Variants in TMEM132B observed in about 807,000 individuals in gnomAD.
TMEM132B encodes the protein transmembrane protein 132B.
A neutral mutation model predicts 90.8 loss-of-function variants in TMEM132B; 18 were observed. That is an observed-to-expected ratio of 0.20 (90% CI 0.14 to 0.29). TMEM132B has a LOEUF of 0.29. TMEM132B is among the 10% of genes least tolerant of loss of function. TMEM132B has a pLI of 1.00. For missense variants in TMEM132B, 1,096 were observed against 1,326.8 expected, an observed-to-expected ratio of 0.83 and a Z score of 2.70; for synonymous variants, 504 against 523.3, an observed-to-expected ratio of 0.96 and a Z score of 0.50.
intron 8 of TMEM132B, 63 bp from the exon 9 acceptor site, chr12:125,653,502 C>G: frequency 6.7e-7 from 1 of 1,490,590 alleles, no homozygotes; most frequent in Non-Finnish European, 9.0e-7. Context: ...GGAAATTATA[C>G]TTATGTTTTC....
At chr12:125,411,961 G>C (rs1296347320) in intron 2 of TMEM132B, among the ~76,000 whole-genome samples, 1 of 152,108 alleles carries the variant, frequency 6.6e-6, no homozygotes, top group African/African-American at 2.4e-5. Context: ...CCTTCCTTGG[G>C]TCCCCTGGAC....
chr12:125,321,643 A>AT (rs1355718131), intron 1 of TMEM132B, among the ~76,000 whole-genome samples: 4 of 151,842 alleles, frequency 2.6e-5, no homozygotes, highest in Admixed American at 1.3e-4. Context: ...TGCCCGGCTA[A>AT]TTTTTTGTGT....
At chr12:125,283,340 A>T (rs1260441203) in intron 1 of TMEM132B, among the ~76,000 whole-genome samples, 1 of 152,182 alleles carries the variant, frequency 6.6e-6, no homozygotes, top group Non-Finnish European at 1.5e-5. Context: ...CTATTTATTT[A>T]AATCTGTTGA....
At position 125,231,575 on chromosome 12, in the gene TMEM132B, T is replaced by C. The variant is rs188559683; in HGVS notation, c.67+44709T>C. 1.4e-3 allele frequency among the ~76,000 whole-genome samples: 214 copies of C among 152,304 alleles called. 1 individual carries two copies. Among genetic ancestry groups the C allele is most frequent in the Admixed American group, 8.0e-3 (123 of 15,298 alleles). ...ATATTGCCCATGTCCCAGTGGATTT[T>C]GAAACATATTTTTTAGTGGTGGAAC... On this transcript the variant is annotated intron_variant, in intron 1 of 8. Transcript: ENST00000682704.
intron 1 of TMEM132B, among the ~76,000 whole-genome samples, chr12:125,226,673 C>T (rs1449416271): frequency 5.9e-5 from 9 of 152,170 alleles, no homozygotes; most frequent in Admixed American, 5.9e-4. Flanking sequence ...TGCTGGTTCC[C>T]TTGGGAAAGT....
intron 1 of TMEM132B, among the ~76,000 whole-genome samples, chr12:125,281,568 G>C (rs1259609543): frequency 6.6e-6 from 1 of 152,136 alleles, no homozygotes; most frequent in Non-Finnish European, 1.5e-5. Flanking sequence ...CCAGTTAGCA[G>C]AGCGACGGTG....
chr12:125,446,449 A>C (rs2136438931), intron 3 of TMEM132B, among the ~76,000 whole-genome samples: 1 of 152,346 alleles, frequency 6.6e-6, no homozygotes, highest in South Asian at 2.1e-4. Context: ...GTTCATTAAG[A>C]AGTAACCAGG....
At chr12:125,589,950 G>A (rs1418048078) in intron 5 of TMEM132B, among the ~76,000 whole-genome samples, 1 of 152,072 alleles carries the variant, frequency 6.6e-6, no homozygotes, top group South Asian at 2.1e-4. Flanking sequence ...TGGTGGAGGT[G>A]GGGCCTGGTG....
intron 1 of TMEM132B, among the ~76,000 whole-genome samples, chr12:125,328,913 G>C: frequency 6.6e-6 from 1 of 152,146 alleles, no homozygotes; most frequent in African/African-American, 2.4e-5. Context: ...TGAGGACAGG[G>C]CTGCTTTGCT....
chr12:125,294,870 G>T (rs982883389), intron 1 of TMEM132B, among the ~76,000 whole-genome samples: 1 of 147,846 alleles, frequency 6.8e-6, no homozygotes, highest in African/African-American at 2.5e-5. Flanking sequence ...ATAGGAGAAA[G>T]TGTTTATGCT....
At chr12:125,370,322 C>T (rs138353074) in intron 2 of TMEM132B, among the ~76,000 whole-genome samples, 42 of 152,314 alleles carry the variant, frequency 2.8e-4, no homozygotes, top group African/African-American at 7.9e-4. Context: ...ACAAGATAGC[C>T]GCTGCAGTTG....
chr12:125,238,108 T>G (rs2136089167), intron 1 of TMEM132B, among the ~76,000 whole-genome samples: 1 of 152,302 alleles, frequency 6.6e-6, no homozygotes, highest in South Asian at 2.1e-4. Flanking sequence ...CTTCCTCTTC[T>G]TCTCCTCTCT....
intron 4 of TMEM132B, among the ~76,000 whole-genome samples, chr12:125,527,656 T>C (rs1424802772): frequency 9.3e-5 from 9 of 96,720 alleles, no homozygotes; most frequent in African/African-American, 1.6e-4. Flanking sequence ...ATCCACCCAT[T>C]TACCCTTCCA....
intron 1 of TMEM132B, among the ~76,000 whole-genome samples, chr12:125,325,222 A>G (rs1310626460): frequency 1.3e-5 from 2 of 152,156 alleles, no homozygotes; most frequent in African/African-American, 4.8e-5. Flanking sequence ...AAACACACAA[A>G]ACCCAGAAAA....
chr12:125,438,727 A>G (rs1052648341), intron 3 of TMEM132B, among the ~76,000 whole-genome samples: 8 of 152,198 alleles, frequency 5.3e-5, no homozygotes, highest in Admixed American at 1.3e-4. Flanking sequence ...TATCAATCTT[A>G]TGAATGTTTA....
intron 1 of TMEM132B, among the ~76,000 whole-genome samples, chr12:125,300,460 C>T (rs1875793608): frequency 6.6e-6 from 1 of 152,150 alleles, no homozygotes; most frequent in South Asian, 2.1e-4. Flanking sequence ...CTGTGTGTGG[C>T]CCTAGAGAAG....
At chr12:125,326,724 A>G (rs1324868612) in intron 1 of TMEM132B, 2 of 1,568,888 alleles carry the variant, frequency 1.3e-6, no homozygotes, top group East Asian at 2.3e-5. Context: ...GGATGGGACC[A>G]GACCCAAGGG....
At chr12:125,434,712 G>C (rs565800543) in intron 3 of TMEM132B, among the ~76,000 whole-genome samples, 1 of 152,222 alleles carries the variant, frequency 6.6e-6, no homozygotes, top group African/African-American at 2.4e-5. Context: ...AGAGGTGGTC[G>C]CGACTTCTTG....
At chr12:125,449,779 C>A (rs1284128692) in intron 3 of TMEM132B, among the ~76,000 whole-genome samples, 1 of 151,896 alleles carries the variant, frequency 6.6e-6, no homozygotes, top group Admixed American at 6.6e-5. Context: ...GGCCTTAATT[C>A]AAAAATCCTG....
Sources: allele counts gnomAD v4.1 joint callset (sites outside exome capture counted in the v4.1 genomes callset), GRCh38; gene constraint gnomAD v4.1.1; transcripts MANE v1.5; gene names NCBI Gene and HGNC (gene_info 2026-07-23, HGNC 2026-07-21).